OPCML: variants seen among roughly 807,000 people sequenced by gnomAD.
OPCML encodes opioid binding protein/cell adhesion molecule like, also known as opioid-binding protein/cell adhesion molecule.
OPCML carries 13 observed loss-of-function variants against 37.8 expected under a neutral mutation model. The ratio of observed to expected loss-of-function variants is 0.34; its 90% CI spans 0.22 to 0.55. OPCML has a LOEUF of 0.55. Among genes scored for constraint, OPCML ranks in the 20% least tolerant of loss-of-function variants. The probability of loss-of-function intolerance (pLI) is 0.91; values close to 1 mark genes in which losing one functional copy is unlikely to be tolerated. For missense variants in OPCML, 341 were observed against 435.6 expected (o/e 0.78, Z 1.93); for synonymous variants, 176 against 168.8 (o/e 1.04, Z -0.33).
intron 2 of OPCML, among the ~76,000 whole-genome samples, chr11:132,762,309 C>A (rs1946292028): frequency 6.6e-6 from 1 of 152,222 alleles, no homozygotes; most frequent in African/African-American, 2.4e-5. Context: ...ACTTGAGGGG[C>A]AGTCTGTCCC....
At chr11:132,599,541 A>C (rs1350852322) in intron 3 of OPCML, among the ~76,000 whole-genome samples, 1 of 152,158 alleles carries the variant, frequency 6.6e-6, no homozygotes, top group Non-Finnish European at 1.5e-5. Context: ...ACAAAAATAC[A>C]ACTCCAAATG....
At chr11:133,270,168 G>A (rs1178690188) in intron 1 of OPCML, among the ~76,000 whole-genome samples, 1 of 152,138 alleles carries the variant, frequency 6.6e-6, no homozygotes, top group Non-Finnish European at 1.5e-5. Context: ...TTTGTGTTGT[G>A]TTTGTGTTGG....
intron 7 of OPCML, among the ~76,000 whole-genome samples, chr11:132,428,082 T>C (rs2095983592): frequency 6.6e-6 from 1 of 152,188 alleles, no homozygotes; most frequent in African/African-American, 2.4e-5. Flanking sequence ...CAAGAAGATA[T>C]CATGTGATGA....
chr11:133,018,527 G>A (rs1947381607), intron 1 of OPCML, among the ~76,000 whole-genome samples: 1 of 152,108 alleles, frequency 6.6e-6, no homozygotes, highest in African/African-American at 2.4e-5. Context: ...GTGCCCTTTT[G>A]TAGATCGGAA....
At chr11:132,435,212 C>T (rs2136730118) in intron 7 of OPCML, 1 of 1,289,866 alleles carries the variant, frequency 7.8e-7, no homozygotes, top group South Asian at 1.2e-5. Flanking sequence ...ACAATGCACA[C>T]ACAATGCAGA....
chr11:132,432,443 A>T (rs1197481534), intron 7 of OPCML, among the ~76,000 whole-genome samples: 3 of 152,188 alleles, frequency 2.0e-5, no homozygotes, highest in Non-Finnish European at 4.4e-5. Flanking sequence ...GGGACCACAG[A>T]AACCAAACAT....
At position 133,326,160 on chromosome 11, in the gene OPCML, C is replaced by T. The variant is rs1219879193; in HGVS notation, c.61+206104G>A. ...TCAGTTCATAACTGAGTCCTCTTTCCCTCCAAAAACAATTGAGAGCTTTAT... is the reference window on the plus strand; with the variant it reads ...TCAGTTCATAACTGAGTCCTCTTTCTCTCCAAAAACAATTGAGAGCTTTAT... On this transcript the variant is annotated intron_variant, in intron 1 of 7. Transcript: ENST00000524381. Among the ~76,000 whole-genome samples the T allele has an allele frequency of 3.3e-5, 5 of 152,128 alleles. No homozygotes were observed. In the South Asian group the frequency reaches 6.2e-4, roughly 19 times the overall value.
At chr11:132,433,138 G>C (rs1307521849) in intron 7 of OPCML, among the ~76,000 whole-genome samples, 1 of 152,200 alleles carries the variant, frequency 6.6e-6, no homozygotes, top group Non-Finnish European at 1.5e-5. Flanking sequence ...AGGGGACTTT[G>C]GAGGAAGGAA....
chr11:133,471,974 C>T (rs552683452), intron 1 of OPCML, among the ~76,000 whole-genome samples: 3 of 152,200 alleles, frequency 2.0e-5, no homozygotes, highest in East Asian at 1.9e-4. Flanking sequence ...GACCCTAACA[C>T]GTCTGACCAT....
chr11:132,907,820 G>A (rs911104645), intron 2 of OPCML, among the ~76,000 whole-genome samples: 2 of 152,060 alleles, frequency 1.3e-5, no homozygotes, highest in Admixed American at 6.6e-5. Context: ...CGCTATGGTC[G>A]AGTTAGTAGT....
At chr11:133,020,116 G>GT (rs1591918484) in intron 1 of OPCML, among the ~76,000 whole-genome samples, 1 of 152,240 alleles carries the variant, frequency 6.6e-6, no homozygotes, top group Non-Finnish European at 1.5e-5. Context: ...ATGAGTGGCT[G>GT]CTGCCATTAC....
chr11:132,782,464 G>A (rs1180919887), intron 2 of OPCML, among the ~76,000 whole-genome samples: 2 of 152,364 alleles, frequency 1.3e-5, no homozygotes, highest in African/African-American at 2.4e-5. Flanking sequence ...TCAGCAATGA[G>A]AGTGGCCTTG....
At chr11:133,008,208 G>T in intron 1 of OPCML, 1 of 985,398 alleles carries the variant, frequency 1.0e-6, no homozygotes, top group Non-Finnish European at 1.2e-6. Context: ...ACAGAATTAA[G>T]CTCAGACCCT....
chr11:133,060,460 C>A (rs1565425164), intron 1 of OPCML, among the ~76,000 whole-genome samples: 1 of 152,186 alleles, frequency 6.6e-6, no homozygotes, highest in Non-Finnish European at 1.5e-5. Context: ...TTAAAACACA[C>A]CTCAGTGCCT....
In OPCML at chr11:132,949,795, C is replaced by T. The variant is rs1945819821; in HGVS notation, c.62-6785G>A. Among the ~76,000 whole-genome samples, 4 of 152,152 alleles carry T rather than the reference C, an allele frequency of 2.6e-5. No homozygotes were observed. In the South Asian group the frequency reaches 8.3e-4, roughly 32 times the overall value. ...TTAATGAGATCAGCTTTATTACATG[C>T]TTTTCTGCACGGGTGTGTAAGCAGT... is the stretch of plus-strand genomic sequence containing the variant. On this transcript the variant is annotated intron_variant, in intron 1 of 7. Transcript: ENST00000524381.
intron 2 of OPCML, among the ~76,000 whole-genome samples, chr11:132,725,079 A>G (rs1457756820): frequency 1.3e-5 from 2 of 152,180 alleles, no homozygotes; most frequent in Non-Finnish European, 2.9e-5. Context: ...TCACAGGTCC[A>G]TGAGGCAGTG....
chr11:132,546,176 G>A (rs1212951098), intron 3 of OPCML, among the ~76,000 whole-genome samples: 1 of 152,090 alleles, frequency 6.6e-6, no homozygotes, highest in Non-Finnish European at 1.5e-5. Context: ...TACTGTCTTC[G>A]GTGAACTCTC....
intron 7 of OPCML, among the ~76,000 whole-genome samples, chr11:132,429,780 G>T (rs575037860): frequency 6.6e-6 from 1 of 152,138 alleles, no homozygotes; most frequent in African/African-American, 2.4e-5. Flanking sequence ...CTGGGGCAAG[G>T]CTCACATATC....
chr11:133,215,223 A>T (rs995369261), intron 1 of OPCML, among the ~76,000 whole-genome samples: 2 of 152,040 alleles, frequency 1.3e-5, no homozygotes, highest in Non-Finnish European at 1.5e-5. Context: ...TGTGTGAGAG[A>T]GAGAGAGAGA....
Sources: gnomAD v4.1 joint callset for allele counts (sites outside exome capture counted in the v4.1 genomes callset) on GRCh38, gnomAD v4.1.1 for gene constraint, MANE v1.5 for transcripts, NCBI Gene and HGNC (gene_info 2026-07-23, HGNC 2026-07-21) for gene names.